The following SART3 variants were observed in gnomAD, a reference collection of about 807,000 sequenced individuals.
The protein encoded by SART3 is spliceosome associated factor 3, U4/U6 recycling protein, also known as HIV-1 Tat-interacting protein of 110kDa.
SART3 carries 44 observed loss-of-function variants against 122.3 expected under a neutral mutation model. The observed-to-expected ratio is 0.36, with a 90% CI of 0.28 to 0.46. The LOEUF (loss-of-function observed/expected upper bound fraction) is 0.46. Ranked by LOEUF, SART3 falls within the 20% of genes least tolerant of loss-of-function variation. SART3 has a pLI of 1.00. For missense variants in SART3, 1,101 were observed against 1,229.0 expected (o/e 0.90, Z 1.56); for synonymous variants, 442 against 454.0 (o/e 0.97, Z 0.34).
At chr12:108,556,466 T>C (rs1259541742) in intron 1 of SART3, among the ~76,000 whole-genome samples, 1 of 152,192 alleles carries the variant, frequency 6.6e-6, no homozygotes, top group African/African-American at 2.4e-5. Context: ...TAATAATCAA[T>C]TACAGATAAG....
intron 15 of SART3, among the ~76,000 whole-genome samples, chr12:108,526,931 CACCCTAGTGACTGAT>C (rs746962515): frequency 1.3e-5 from 2 of 152,224 alleles, no homozygotes; most frequent in Non-Finnish European, 2.9e-5. Context: ...ACTGGAAAAG[CACCCTAGTGACTGAT>C]ACCCGTGCCC....
At chr12:108,559,269 C>T (rs2030367569) in intron 1 of SART3, among the ~76,000 whole-genome samples, 2 of 152,168 alleles carry the variant, frequency 1.3e-5, no homozygotes, top group South Asian at 4.1e-4. Flanking sequence ...ATTTCACATC[C>T]AGTGTGGCAT....
chr12:108,559,697 T>C (rs1184184404), intron 1 of SART3, among the ~76,000 whole-genome samples: 1 of 146,532 alleles, frequency 6.8e-6, no homozygotes, highest in Non-Finnish European at 1.5e-5. Context: ...AGAGAGAATG[T>C]GCTCCATCTC....
At chr12:108,541,081 G>C (rs939406699) in intron 6 of SART3, among the ~76,000 whole-genome samples, 1 of 152,168 alleles carries the variant, frequency 6.6e-6, no homozygotes, top group Admixed American at 6.5e-5. Flanking sequence ...TGATCACTAA[G>C]AACTGTTCAT....
rs55746158 is a variant in SART3, at chr12:108,541,998, CTTTTTTTTTTTTTTTT to C, written c.906+1014_906+1029del. ...TACAGACACATGCCACCAAGCCCGG[CTTTTTTTTTTTTTTTT>C]TTTTTTTTTTTTTGGTAGAGACAGG... On this transcript the variant is annotated intron_variant, in intron 6 of 18. Coordinates refer to ENST00000546815, the MANE Select transcript of SART3 (RefSeq NM_014706.4). 6.5e-3 allele frequency among the ~76,000 whole-genome samples: 446 copies of C among 68,112 alleles called. 6 individuals are homozygous for C. The South Asian group carries it at 0.074, about 11-fold the overall frequency. The allele number at this position is 68,112 out of a possible 152,430, so 44.7% of individuals were successfully genotyped here. A position where few individuals can be genotyped will look rare whatever the true frequency, so the allele number is the denominator to read the frequency against.
At position 108,524,571 on chromosome 12, in the gene SART3, A is replaced by G. The variant is rs1872278682; in HGVS notation, c.2524-65T>C. On this transcript the variant is annotated intron_variant, in intron 17 of 18. Transcript: ENST00000546815. Reference sequence around the variant, plus strand: ...GACTAGGGACGCAACCTCCTCCTGCAGGGCAGGCACTGGGCTTCCTCCCGG... The same window carrying G: ...GACTAGGGACGCAACCTCCTCCTGCGGGGCAGGCACTGGGCTTCCTCCCGG... 5 of 1,493,606 alleles carry G rather than the reference A, an allele frequency of 3.3e-6. No homozygotes were observed. The South Asian group carries it at 3.4e-5, about 10-fold the overall frequency. The allele number at this position is 1,493,606 out of a possible 1,614,324, so 92.5% of individuals were successfully genotyped here.
At chr12:108,555,427 G>C (rs887214943) in intron 1 of SART3, among the ~76,000 whole-genome samples, 3 of 152,188 alleles carry the variant, frequency 2.0e-5, no homozygotes, top group Non-Finnish European at 4.4e-5. Context: ...CACTGTGGGA[G>C]GCCGAGGCAG....
At chr12:108,541,792 G>T (rs55810710) in intron 6 of SART3, among the ~76,000 whole-genome samples, 30,214 of 151,806 alleles carry the variant, frequency 0.2, 3,850 homozygotes, top group East Asian at 0.49. Flanking sequence ...CCTGCCTTGG[G>T]CTCCGAAAGT....
At chr12:108,539,609 T>C (rs994193031) in intron 6 of SART3, among the ~76,000 whole-genome samples, 48 of 152,354 alleles carry the variant, frequency 3.2e-4, no homozygotes, top group Non-Finnish European at 6.5e-4. Context: ...AATCAAATTC[T>C]TTTTAGAAAA....
intron 6 of SART3, chr12:108,542,798 G>A (rs773061145): frequency 3.0e-5 from 19 of 623,182 alleles, no homozygotes; most frequent in South Asian, 2.6e-4. Context: ...GGAGGCAATC[G>A]GAGAGGGGCA....
At chr12:108,555,199 G>A (rs963327805) in intron 1 of SART3, among the ~76,000 whole-genome samples, 2 of 152,054 alleles carry the variant, frequency 1.3e-5, no homozygotes, top group African/African-American at 4.8e-5. Flanking sequence ...CAAAGTTTAC[G>A]TTATATGTTT....
At chr12:108,542,322 A>G (rs1238823345) in intron 6 of SART3, among the ~76,000 whole-genome samples, 1 of 152,256 alleles carries the variant, frequency 6.6e-6, no homozygotes, top group African/African-American at 2.4e-5. Flanking sequence ...ACTCTCAGAT[A>G]CTGCTCACAG....
chr12:108,526,937 A>ACC (rs1872414128), intron 15 of SART3, among the ~76,000 whole-genome samples: 1 of 152,230 alleles, frequency 6.6e-6, no homozygotes, highest in South Asian at 2.1e-4. Flanking sequence ...AAAGCACCCT[A>ACC]GTGACTGATA....
At chr12:108,560,339 C>G (rs1477943720) in intron 1 of SART3, 1 of 175,612 alleles carries the variant, frequency 5.7e-6, no homozygotes, top group East Asian at 1.6e-4. Flanking sequence ...ACAGCTAGAA[C>G]TGAGGCCTTA....
At chr12:108,542,973 C>T in intron 6 of SART3, 55 bp downstream of exon 6, 1 of 1,609,530 alleles carries the variant, frequency 6.2e-7, no homozygotes, top group Non-Finnish European at 8.5e-7. Flanking sequence ...TCGCAACTAT[C>T]CATCAGGGAA....
intron 18 of SART3, 104 bp from the exon 19 acceptor site, chr12:108,523,738 A>G (rs944734055): frequency 1.0e-6 from 1 of 971,292 alleles, no homozygotes; most frequent in African/African-American, 2.1e-5. Context: ...CAGAAGTTAA[A>G]AGGTGAAAAA....
At chr12:108,544,987 T>C in intron 4 of SART3, 152 bp downstream of exon 4, 1 of 828,538 alleles carries the variant, frequency 1.2e-6, no homozygotes, top group Non-Finnish European at 2.1e-6. Flanking sequence ...AAAAAGGTTA[T>C]CTATCACCCC....
intron 1 of SART3, among the ~76,000 whole-genome samples, chr12:108,557,208 T>G (rs1203004712): frequency 8.1e-6 from 1 of 123,718 alleles, no homozygotes; most frequent in Non-Finnish European, 1.7e-5. Context: ...ATGACATAGT[T>G]TTTTTTTTTT....
rs369846557 is a variant in SART3 at position 108,530,308 on chromosome 12, A to G, written c.1749T>C (p.Ala583=). ...LARVNEQRMK[A]AEKEAALVQQ... is the part of the protein sequence containing the mutation. ...GCACAAGGGCTGCTTCCTTCTCTGC[A>G]GCCTAGAAAAGTGGGAAGATGATGC... Residue 583 remains alanine (A), a splice_region_variant and synonymous_variant, in exon 15 of 19, where the codon GCT becomes GCC. Coordinates refer to ENST00000546815, the MANE Select transcript of SART3 (RefSeq NM_014706.4). 1 of 1,613,862 alleles carries G rather than the reference A, an allele frequency of 6.2e-7. No homozygotes were observed. The highest frequency in any genetic ancestry group is 1.3e-5 in the African/African-American group (1 of 74,888).
Sources: gnomAD v4.1 joint callset for allele counts (sites outside exome capture counted in the v4.1 genomes callset) on GRCh38, gnomAD v4.1.1 for gene constraint, MANE v1.5 for transcripts, NCBI Gene and HGNC (gene_info 2026-07-23, HGNC 2026-07-21) for gene names.